Variants in PEBP4 observed in about 807,000 individuals in gnomAD.
PEBP4 encodes the protein phosphatidylethanolamine binding protein 4.
Under a neutral mutation model 23.9 loss-of-function variants are expected in PEBP4, and 22 were observed. The ratio of observed to expected loss-of-function variants is 0.92; its 90% CI spans 0.66 to 1.31. The LOEUF (loss-of-function observed/expected upper bound fraction) is 1.31. Among genes scored for constraint, PEBP4 ranks in the 40% most tolerant of loss-of-function variants. The pLI, the probability that PEBP4 is intolerant of heterozygous loss-of-function variation, is 0.00. For missense variants in PEBP4, 324 were observed against 281.7 expected, an observed-to-expected ratio of 1.15 and a Z score of -1.07; for synonymous variants, 112 against 99.3, an observed-to-expected ratio of 1.13 and a Z score of -0.76.
intron 3 of PEBP4, among the ~76,000 whole-genome samples, chr8:22,862,494 C>T (rs887126467): frequency 6.6e-6 from 1 of 152,116 alleles, no homozygotes; most frequent in African/African-American, 2.4e-5. Flanking sequence ...AAAACAGCAA[C>T]TTGTGTAGAT....
chr8:22,925,106 T>A (rs1585160084), intron 2 of PEBP4: 1 of 985,426 alleles, frequency 1.0e-6, no homozygotes, highest in East Asian at 1.1e-4. Flanking sequence ...CGATCTGTCC[T>A]TGATGCATTT....
chr8:22,794,078 C>A (rs189136733), intron 4 of PEBP4, among the ~76,000 whole-genome samples: 1 of 151,880 alleles, frequency 6.6e-6, no homozygotes, highest in Non-Finnish European at 1.5e-5. Context: ...CTGCCAGGGT[C>A]GATTTTCATT....
chr8:22,921,837 G>T (rs1183684648), intron 2 of PEBP4, among the ~76,000 whole-genome samples: 1 of 152,218 alleles, frequency 6.6e-6, no homozygotes, highest in African/African-American at 2.4e-5. Flanking sequence ...TGTTTCTGCT[G>T]CAACTCCTTG....
At chr8:22,934,194 C>T (rs1015236186) in intron 1 of PEBP4, among the ~76,000 whole-genome samples, 3 of 151,970 alleles carry the variant, frequency 2.0e-5, no homozygotes, top group African/African-American at 4.8e-5. Context: ...ATGAGTTTTG[C>T]GGGGCACAAA....
chr8:22,931,575 T>G (rs950334775), upstream of PEBP4, among the ~76,000 whole-genome samples: 1 of 41,338 alleles, frequency 2.4e-5, no homozygotes, highest in Admixed American at 3.1e-4. Context: ...ATTCAAGCAG[T>G]TTTTTTTGTT....
intron 3 of PEBP4, among the ~76,000 whole-genome samples, chr8:22,817,976 C>T (rs1016258517): frequency 6.6e-6 from 1 of 152,184 alleles, no homozygotes; most frequent in African/African-American, 2.4e-5. Flanking sequence ...AGAATAAATC[C>T]AACAAGATAT....
intron 3 of PEBP4, among the ~76,000 whole-genome samples, chr8:22,846,474 G>C (rs1807439506): frequency 6.6e-6 from 1 of 152,158 alleles, no homozygotes; most frequent in African/African-American, 2.4e-5. Context: ...AATCGCATCA[G>C]GTTCCCTCGC....
chr8:22,867,264 C>T (rs932163926), intron 3 of PEBP4, among the ~76,000 whole-genome samples: 1 of 152,182 alleles, frequency 6.6e-6, no homozygotes, highest in Non-Finnish European at 1.5e-5. Flanking sequence ...ACTCTGTCAA[C>T]ATATTTGGGT....
intron 3 of PEBP4, among the ~76,000 whole-genome samples, chr8:22,879,895 A>G (rs17677979): frequency 0.15 from 23,587 of 152,262 alleles, 2,102 homozygotes; most frequent in Middle Eastern, 0.21. Flanking sequence ...ATGGCAAAAT[A>G]TGGTAAGATT....
chr8:22,768,712 T>G (rs1479068230), intron 4 of PEBP4, among the ~76,000 whole-genome samples: 30 of 100,264 alleles, frequency 3.0e-4, no homozygotes, highest in South Asian at 5.9e-4. Flanking sequence ...AGGTAGGGGG[T>G]GGGTCAGGGC....
intron 4 of PEBP4, among the ~76,000 whole-genome samples, chr8:22,784,342 C>A (rs377431307): frequency 1.3e-5 from 2 of 152,294 alleles, no homozygotes; most frequent in African/African-American, 4.8e-5. Context: ...GGTCAGGAAT[C>A]AAAGGCAAGA....
At chr8:22,935,112 A>G (rs1809516325) in intron 1 of PEBP4, among the ~76,000 whole-genome samples, 1 of 152,240 alleles carries the variant, frequency 6.6e-6, no homozygotes, top group Admixed American at 6.5e-5. Flanking sequence ...AAAATATATA[A>G]GCATACAAGG....
At chr8:22,715,499 G>A (rs1419022336) in intron 6 of PEBP4, among the ~76,000 whole-genome samples, 1 of 152,198 alleles carries the variant, frequency 6.6e-6, no homozygotes, top group Non-Finnish European at 1.5e-5. Context: ...GGGACGAGGG[G>A]GCCTTCCCCA....
intron 3 of PEBP4, among the ~76,000 whole-genome samples, chr8:22,854,093 T>G (rs1465117601): frequency 6.6e-6 from 1 of 152,230 alleles, no homozygotes; most frequent in African/African-American, 2.4e-5. Flanking sequence ...GCCTCACTAC[T>G]TAAGAATCCC....
chr8:22,892,949 G>A (rs1451126748), intron 3 of PEBP4, among the ~76,000 whole-genome samples: 1 of 152,200 alleles, frequency 6.6e-6, no homozygotes, highest in Admixed American at 6.5e-5. Flanking sequence ...CAAGTCCAAG[G>A]GGGTTAAGGT....
At chr8:22,927,142 C>T (rs1210802251) in intron 2 of PEBP4, among the ~76,000 whole-genome samples, 1 of 152,218 alleles carries the variant, frequency 6.6e-6, no homozygotes, top group Non-Finnish European at 1.5e-5. Flanking sequence ...TGGGTCCTAT[C>T]ACTGACAAAA....
intron 4 of PEBP4, among the ~76,000 whole-genome samples, chr8:22,738,051 G>A (rs1302810688): frequency 6.6e-6 from 1 of 152,220 alleles, no homozygotes; most frequent in African/African-American, 2.4e-5. Context: ...AGCCTCCTGA[G>A]GCTGATGGCT....
chr8:22,847,243 C>T (rs1010062), intron 3 of PEBP4, among the ~76,000 whole-genome samples: 24,220 of 152,126 alleles, frequency 0.16, 2,026 homozygotes, highest in Admixed American at 0.23. Context: ...GGGTCAGAGC[C>T]GAAAGTCAGA....
chr8:22,860,196 A>ATATATACACATATATGTG (rs1563240365), intron 3 of PEBP4, among the ~76,000 whole-genome samples: 3 of 52,820 alleles, frequency 5.7e-5, no homozygotes, highest in South Asian at 1.1e-3. Flanking sequence ...ATATATGTAT[A>ATATATACACATATATGTG]TATATATATA....
Sources: allele counts gnomAD v4.1 joint callset (sites outside exome capture counted in the v4.1 genomes callset), GRCh38; gene constraint gnomAD v4.1.1; transcripts MANE v1.5; gene names NCBI Gene and HGNC (gene_info 2026-07-23, HGNC 2026-07-21).